TFDP1: variants seen among roughly 807,000 people sequenced by gnomAD.
The protein encoded by TFDP1 is DRTF1-polypeptide 1.
Under a neutral mutation model 48.0 loss-of-function variants are expected in TFDP1, and 6 were observed. That is an observed-to-expected ratio of 0.13 (90% CI 0.07 to 0.25). TFDP1 has a LOEUF of 0.25. Ranked by LOEUF, TFDP1 falls within the 10% of genes least tolerant of loss-of-function variation. TFDP1 has a pLI of 1.00. For synonymous variants in TFDP1, 201 were observed against 211.6 expected, an observed-to-expected ratio of 0.95 and a Z score of 0.44; for missense variants, 335 against 543.0, an observed-to-expected ratio of 0.62 and a Z score of 3.81.
intron 2 of TFDP1, among the ~76,000 whole-genome samples, chr13:113,590,822 A>T (rs2048121023): frequency 6.6e-6 from 1 of 151,940 alleles, no homozygotes; most frequent in Non-Finnish European, 1.5e-5. Context: ...CATCCTGGCT[A>T]AGAGGGTGAA....
At chr13:113,602,942 A>G (rs961814200) in intron 2 of TFDP1, among the ~76,000 whole-genome samples, 7 of 151,648 alleles carry the variant, frequency 4.6e-5, no homozygotes, top group Non-Finnish European at 8.8e-5. Flanking sequence ...GGCCACATAA[A>G]ATAGAATAAC....
At position 113,607,036 on chromosome 13, in the gene TFDP1, G is replaced by T. The variant is rs4415916; in HGVS notation, c.13-3960G>T. Among the ~76,000 whole-genome samples, 2,147 of 152,350 alleles carry T rather than the reference G, an allele frequency of 0.014. 36 individuals carry two copies. The highest frequency in any genetic ancestry group is 0.022 in the Non-Finnish European group (1,472 of 68,026). On this transcript the variant is annotated intron_variant, in intron 2 of 11. Transcript: ENST00000375370. This position sits in a 1 kb window ranked among gnomAD's most constrained non-coding sequence, Gnocchi z 5.2. The stretch of plus-strand genomic sequence containing the variant: ...GAGGCCCTGCGGCCCCAGAAGTCAT[G>T]CCTCTGAGTCCGTGGTTCTTAGCTG...
At chr13:113,601,309 C>T (rs1011108883) in intron 2 of TFDP1, among the ~76,000 whole-genome samples, 10 of 82,486 alleles carry the variant, frequency 1.2e-4, no homozygotes, top group Non-Finnish European at 2.2e-4. Context: ...CTGAGTTGGT[C>T]TGGGCAGGAC....
intron 1 of TFDP1, among the ~76,000 whole-genome samples, 151 bp downstream of exon 1, chr13:113,585,039 T>C (rs901553598): frequency 1.4e-5 from 2 of 146,242 alleles, no homozygotes; most frequent in Non-Finnish European, 3.0e-5. Flanking sequence ...CTCCTGTGCC[T>C]CGGGGACCCC....
At chr13:113,614,363 T>G (rs2048804543) in intron 3 of TFDP1, among the ~76,000 whole-genome samples, 1 of 152,128 alleles carries the variant, frequency 6.6e-6, no homozygotes, top group African/African-American at 2.4e-5. Context: ...AGTGGGGTGG[T>G]CCAGGCAGGG....
chr13:113,622,804 T>G (rs1044968392), intron 3 of TFDP1, among the ~76,000 whole-genome samples: 1 of 152,236 alleles, frequency 6.6e-6, no homozygotes, highest in Non-Finnish European at 1.5e-5. Context: ...TTTTGCAGCC[T>G]TATAGAGAAA....
In TFDP1 at chr13:113,633,842, A is replaced by T; in HGVS notation, c.475-48A>T. 5.1e-6 allele frequency: 8 copies of T among 1,568,702 alleles called. No homozygotes were observed. Among genetic ancestry groups the T allele is most frequent in the Non-Finnish European group, 6.9e-6 (8 of 1,157,516 alleles). ...CCCATGGTCTACAGTTTAAGGATCC[A>T]CCGGCCTTTTTGGATCATTTGGAAA... On this transcript the variant is annotated intron_variant, in intron 6 of 11. Coordinates refer to ENST00000375370, the MANE Select transcript of TFDP1 (RefSeq NM_007111.5). This position sits in a 1 kb window ranked among gnomAD's most constrained non-coding sequence, Gnocchi z 4.5.
intron 2 of TFDP1, among the ~76,000 whole-genome samples, chr13:113,608,274 G>A (rs747729403): frequency 1.2e-4 from 19 of 152,250 alleles, no homozygotes; most frequent in Non-Finnish European, 2.4e-4. Flanking sequence ...CCCTGGCCCT[G>A]TACTTTTTAG....
At chr13:113,595,952 G>T (rs777685106) in intron 2 of TFDP1, among the ~76,000 whole-genome samples, 16 of 152,150 alleles carry the variant, frequency 1.1e-4, no homozygotes, top group Non-Finnish European at 2.4e-4. Flanking sequence ...CGTGGTGGCG[G>T]GCACCTGTAG....
chr13:113,640,321 T>G lies in TFDP1; in HGVS notation c.*54T>G. ...GGAAAACGTTTAGCGAAAAGAAACT[T>G]TTTTTTTAATGTGGGTTTTCTGTTT... is the stretch of plus-strand genomic sequence containing the variant. On this transcript the variant is annotated 3_prime_UTR_variant, in exon 12 of 12. Transcript: ENST00000375370. The G allele has an allele frequency of 6.5e-7, 1 of 1,548,194 alleles. No individual in the cohort carries two copies. Among genetic ancestry groups the G allele is most frequent in the Non-Finnish European group, 8.7e-7 (1 of 1,149,848 alleles).
intron 3 of TFDP1, among the ~76,000 whole-genome samples, chr13:113,614,939 C>T (rs1230143284): frequency 6.6e-6 from 1 of 152,210 alleles, no homozygotes; most frequent in African/African-American, 2.4e-5. Context: ...CTTTGCTTAA[C>T]GGCTCCTCTT....
chr13:113,606,739 A>G (rs904126855), intron 2 of TFDP1, among the ~76,000 whole-genome samples: 2 of 152,102 alleles, frequency 1.3e-5, no homozygotes, highest in Admixed American at 6.6e-5. Context: ...TTTGTTTTCT[A>G]ATTTCCTTTA....
Position 113,613,751 on chromosome 13 carries a change from C to T in TFDP1, c.79+2689C>T, listed in dbSNP as rs879628071. On this transcript the variant is annotated intron_variant, in intron 3 of 11. Coordinates refer to ENST00000375370, the MANE Select transcript of TFDP1 (RefSeq NM_007111.5). ...GTGCATGAGTGTGTCTGTGTGTATG[C>T]GTGAATGCGTGGGTGTGTGAGGAGT... Among the ~76,000 whole-genome samples the T allele has an allele frequency of 4.4e-4, 64 of 145,530 alleles. 1 individual carries two copies. The highest frequency in any genetic ancestry group is 7.8e-4 in the Non-Finnish European group (52 of 67,032).
At chr13:113,634,650 A>G in intron 8 of TFDP1, 48 bp downstream of exon 8, 2 of 1,466,940 alleles carry the variant, frequency 1.4e-6, no homozygotes, top group Non-Finnish European at 1.9e-6. Flanking sequence ...TATTTTACTA[A>G]TTTAGCTTTA....
intron 5 of TFDP1, among the ~76,000 whole-genome samples, chr13:113,632,762 C>T (rs1331232017): frequency 3.9e-5 from 6 of 152,146 alleles, no homozygotes; most frequent in South Asian, 4.1e-4. Flanking sequence ...CACGACAGAG[C>T]GAGACTCCGT....
At chr13:113,616,583 G>C in intron 3 of TFDP1, among the ~76,000 whole-genome samples, 1 of 152,168 alleles carries the variant, frequency 6.6e-6, no homozygotes. Flanking sequence ...GCTTACTAAA[G>C]AGCATCTCCC....
At chr13:113,610,190 G>A (rs956569470) in intron 2 of TFDP1, among the ~76,000 whole-genome samples, 1 of 151,682 alleles carries the variant, frequency 6.6e-6, no homozygotes, top group African/African-American at 2.4e-5. Flanking sequence ...TGCCCCTGCT[G>A]TGTGGCTGTA....
rs11841847 is a variant in TFDP1, at chr13:113,613,409, C to T, written c.79+2347C>T. The stretch of plus-strand genomic sequence containing the variant: ...AGGTGCAGAGAGGTTTCCTTTTTTC[C>T]TCTTCTGTCCATGCAGGTGAGCACC... On this transcript the variant is annotated intron_variant, in intron 3 of 11. Transcript: ENST00000375370. Among the ~76,000 whole-genome samples the T allele has an allele frequency of 3.9e-3, 600 of 152,162 alleles. 7 individuals carry two copies. Among genetic ancestry groups the T allele is most frequent in the African/African-American group, 0.014 (565 of 41,534 alleles).
rs1267766188 is a variant in TFDP1 at position 113,594,372 on chromosome 13, G to T, written c.12+8523G>T. Among the ~76,000 whole-genome samples the T allele has an allele frequency of 2.6e-5, 4 of 151,128 alleles. No individual in the cohort carries two copies. In the East Asian group the frequency reaches 7.9e-4, roughly 30 times the overall value. On this transcript the variant is annotated intron_variant, in intron 2 of 11. Transcript: ENST00000375370. ...GTCCTCAGCTATACACAGGTGTCAGGCGTGATGCGTGTGGGTCCTCAGCCC... is the reference window on the plus strand; with the variant it reads ...GTCCTCAGCTATACACAGGTGTCAGTCGTGATGCGTGTGGGTCCTCAGCCC...
Sources: gnomAD v4.1 joint callset for allele counts (sites outside exome capture counted in the v4.1 genomes callset) on GRCh38, gnomAD v4.1.1 for gene constraint, Gnocchi (gnomAD v3.1) non-coding constraint, MANE v1.5 for transcripts, NCBI Gene and HGNC (gene_info 2026-07-23, HGNC 2026-07-21) for gene names.